SDC2: variants seen among roughly 807,000 people sequenced by gnomAD.
SDC2 encodes syndecan-2.
SDC2 carries 13 observed loss-of-function variants against 22.2 expected under a neutral mutation model. That is an observed-to-expected ratio of 0.59 (90% CI 0.38 to 0.93). The LOEUF (loss-of-function observed/expected upper bound fraction) is 0.93. Among genes scored for constraint, SDC2 ranks in the 40% least tolerant of loss-of-function variants. The probability of loss-of-function intolerance (pLI) is 0.00; values close to 1 mark genes in which losing one functional copy is unlikely to be tolerated. For synonymous variants in SDC2, 94 were observed against 92.8 expected, an observed-to-expected ratio of 1.01 and a Z score of -0.07; for missense variants, 235 against 246.8, an observed-to-expected ratio of 0.95 and a Z score of 0.32.
intron 1 of SDC2, among the ~76,000 whole-genome samples, chr8:96,554,482 T>TAA (rs528292831): frequency 4.7e-5 from 7 of 148,924 alleles, no homozygotes; most frequent in African/African-American, 1.7e-4. Flanking sequence ...AGCATTTAGT[T>TAA]AAAAAAAAAA....
At chr8:96,538,657 A>T (rs981676074) in intron 1 of SDC2, 2 of 152,278 alleles carry the variant, frequency 1.3e-5, no homozygotes, top group Non-Finnish European at 1.5e-5. Flanking sequence ...GACAGTTTCC[A>T]TGGCAACTTC....
At chr8:96,535,186 T>C (rs749602551) in intron 1 of SDC2, among the ~76,000 whole-genome samples, 2 of 152,108 alleles carry the variant, frequency 1.3e-5, no homozygotes, top group Non-Finnish European at 2.9e-5. Context: ...TTTTTGTATT[T>C]TTAGTAGAGA....
Position 96,548,350 on chromosome 8 carries a change from C to T in SDC2, c.61-45130C>T, listed in dbSNP as rs183158664. On this transcript the variant is annotated intron_variant, in intron 1 of 4. Coordinates refer to ENST00000302190, the MANE Select transcript of SDC2 (RefSeq NM_002998.4). ...ATCTGAAATGCTCCAAAATTCAAAA[C>T]TTCTTGAGCACTGACATAATGCACA... is the stretch of plus-strand genomic sequence containing the variant. Among the ~76,000 whole-genome samples, 302 of 152,296 alleles carry T rather than the reference C, an allele frequency of 2.0e-3. 3 individuals carry two copies. The highest frequency in any genetic ancestry group is 7.1e-3 in the African/African-American group (294 of 41,574).
In SDC2 at chr8:96,591,592, G is replaced by C. The variant is rs915831755; in HGVS notation, c.61-1888G>C. On this transcript the variant is annotated intron_variant, in intron 1 of 4. Coordinates refer to ENST00000302190, the MANE Select transcript of SDC2 (RefSeq NM_002998.4). ...GCACATGAAACAATGAAAAGTAACA[G>C]TGAGGGTTTATGTCTTAAACTGTTC... is the stretch of plus-strand genomic sequence containing the variant. 7.9e-5 allele frequency among the ~76,000 whole-genome samples: 12 copies of C among 152,270 alleles called. 1 individual carries two copies. The highest frequency in any genetic ancestry group is 2.6e-4 in the African/African-American group (11 of 41,558).
At chr8:96,603,296 T>C (rs924243859) in intron 3 of SDC2, among the ~76,000 whole-genome samples, 3 of 152,178 alleles carry the variant, frequency 2.0e-5, no homozygotes, top group African/African-American at 7.2e-5. Flanking sequence ...GAAGATGAAA[T>C]GTGAGTGCAT....
At chr8:96,561,474 C>T (rs1223921659) in intron 1 of SDC2, among the ~76,000 whole-genome samples, 1 of 152,130 alleles carries the variant, frequency 6.6e-6, no homozygotes, top group East Asian at 1.9e-4. Flanking sequence ...CATTGGATTC[C>T]CAAAGGCCCT....
At chr8:96,573,512 C>T (rs376963680) in intron 1 of SDC2, among the ~76,000 whole-genome samples, 1 of 151,936 alleles carries the variant, frequency 6.6e-6, no homozygotes, top group Non-Finnish European at 1.5e-5. Flanking sequence ...GATAACAGCA[C>T]CTGACACACA....
chr8:96,601,539 G>A (rs914491823), intron 2 of SDC2, among the ~76,000 whole-genome samples: 4 of 150,136 alleles, frequency 2.7e-5, no homozygotes, highest in African/African-American at 7.3e-5. Flanking sequence ...TACTCGGGAG[G>A]CTGAGGCAGG....
At chr8:96,549,112 A>G (rs142232238) in intron 1 of SDC2, among the ~76,000 whole-genome samples, 137 of 152,292 alleles carry the variant, frequency 9.0e-4, no homozygotes, top group African/African-American at 3.1e-3. Flanking sequence ...TTTCTTAGGT[A>G]ATCTGAGTAT....
chr8:96,511,081 A>G (rs1450967935), intron 1 of SDC2, among the ~76,000 whole-genome samples: 1 of 152,164 alleles, frequency 6.6e-6, no homozygotes, highest in Non-Finnish European at 1.5e-5. Flanking sequence ...CTGCAGACTA[A>G]GCAATCAGAA....
At chr8:96,603,035 T>C (rs1268826524) in intron 3 of SDC2, among the ~76,000 whole-genome samples, 1 of 152,218 alleles carries the variant, frequency 6.6e-6, no homozygotes, top group African/African-American at 2.4e-5. Context: ...TACATCTGTA[T>C]ATATTCATTT....
At chr8:96,561,742 G>A (rs1814213791) in intron 1 of SDC2, among the ~76,000 whole-genome samples, 2 of 152,178 alleles carry the variant, frequency 1.3e-5, no homozygotes, top group Admixed American at 1.3e-4. Context: ...GATACCAGTA[G>A]TGAAAGAATC....
intron 1 of SDC2, among the ~76,000 whole-genome samples, chr8:96,543,426 G>T (rs374540418): frequency 6.6e-6 from 1 of 152,308 alleles, no homozygotes; most frequent in South Asian, 2.1e-4. Context: ...GGTAATGAAG[G>T]AAATTAGGTA....
At position 96,611,272 on chromosome 8, in the gene SDC2, A is replaced by T. The variant is rs1451077649; in HGVS notation, c.*1724A>T. The T allele has an allele frequency of 1.3e-5, 2 of 152,164 alleles. No homozygotes were observed. Among genetic ancestry groups the T allele is most frequent in the Non-Finnish European group, 2.9e-5 (2 of 67,992 alleles). 9.4% of individuals were successfully genotyped at this position (152,164 alleles called of 1,614,324 possible). ...TCTGTACTAAACATTTCCTTTTTCT[A>T]TTTTACCACTAATTTTGTTTTAAAC... On this transcript the variant is annotated 3_prime_UTR_variant, in exon 5 of 5. Coordinates refer to ENST00000302190, the MANE Select transcript of SDC2 (RefSeq NM_002998.4).
chr8:96,600,006 A>C (rs1159896938), intron 2 of SDC2, among the ~76,000 whole-genome samples: 1 of 151,888 alleles, frequency 6.6e-6, no homozygotes, highest in Non-Finnish European at 1.5e-5. Flanking sequence ...TTTTTTTTTT[A>C]ATATTAGCTG....
At chr8:96,600,306 G>A (rs1236541497) in intron 2 of SDC2, among the ~76,000 whole-genome samples, 1 of 152,220 alleles carries the variant, frequency 6.6e-6, no homozygotes, top group African/African-American at 2.4e-5. Context: ...GTCCGAGGAA[G>A]CCTGGTTAGT....
At chr8:96,528,536 T>A (rs549256297) in intron 1 of SDC2, among the ~76,000 whole-genome samples, 3 of 152,250 alleles carry the variant, frequency 2.0e-5, no homozygotes, top group South Asian at 2.1e-4. Flanking sequence ...AAAGAAAAAA[T>A]TTTTTAAATG....
rs537674299 is a variant in SDC2, at chr8:96,524,538, G to C, written c.60+30207G>C. Among the ~76,000 whole-genome samples the C allele has an allele frequency of 6.6e-5, 10 of 152,256 alleles. 1 individual carries two copies. In the East Asian group the frequency reaches 1.5e-3, roughly 24 times the overall value. ...GTATCAACTCCTCTGGTTTCAGAAGGGGGAGTTATGACTTCCTAAAAGTTG... is the reference window on the plus strand; with the variant it reads ...GTATCAACTCCTCTGGTTTCAGAAGCGGGAGTTATGACTTCCTAAAAGTTG... On this transcript the variant is annotated intron_variant, in intron 1 of 4. Coordinates refer to ENST00000302190, the MANE Select transcript of SDC2 (RefSeq NM_002998.4).
At chr8:96,581,927 A>G (rs1320345750) in intron 1 of SDC2, among the ~76,000 whole-genome samples, 1 of 152,192 alleles carries the variant, frequency 6.6e-6, no homozygotes, top group East Asian at 1.9e-4. Context: ...ACTTCAGCAC[A>G]CCAACAGGAG....
Sources: allele counts gnomAD v4.1 joint callset (sites outside exome capture counted in the v4.1 genomes callset), GRCh38; gene constraint gnomAD v4.1.1; transcripts MANE v1.5; gene names NCBI Gene and HGNC (gene_info 2026-07-23, HGNC 2026-07-21).